Variants in P3H2 observed in about 807,000 individuals in gnomAD.
The protein encoded by P3H2 is prolyl 3-hydroxylase 2.
P3H2 carries 80 observed loss-of-function variants against 87.0 expected under a neutral mutation model. The observed-to-expected ratio is 0.92, with a 90% CI of 0.77 to 1.11. P3H2 has a LOEUF of 1.11. Among genes scored for constraint, P3H2 ranks in the 50% least tolerant of loss-of-function variants. The pLI is 0.00. For missense variants in P3H2, 1,001 were observed against 923.9 expected (o/e 1.08, Z -1.08); for synonymous variants, 367 against 359.3 (o/e 1.02, Z -0.24).
chr3:190,105,620 A>C (rs2108518911), intron 1 of P3H2, among the ~76,000 whole-genome samples: 1 of 152,322 alleles, frequency 6.6e-6, no homozygotes, highest in East Asian at 1.9e-4. Context: ...ATACACTGGA[A>C]GTAATTCCTT....
intron 1 of P3H2, among the ~76,000 whole-genome samples, chr3:190,108,764 TTTTTA>T (rs1711952062): frequency 6.6e-6 from 1 of 152,332 alleles, no homozygotes; most frequent in Non-Finnish European, 1.5e-5. Context: ...CCTCAGTATT[TTTTTA>T]AATTGCTGAT....
At chr3:189,998,595 C>T (rs1724119847) in intron 1 of P3H2, among the ~76,000 whole-genome samples, 1 of 152,132 alleles carries the variant, frequency 6.6e-6, no homozygotes, top group East Asian at 1.9e-4. Flanking sequence ...TTAGAGCTTT[C>T]TGTGGACATG....
At chr3:189,963,585 C>A (rs544661282) in intron 14 of P3H2, 6 of 244,070 alleles carry the variant, frequency 2.5e-5, no homozygotes, top group Non-Finnish European at 4.9e-5. Flanking sequence ...ACTGGAACTA[C>A]AGGCGCATGC....
chr3:190,065,708 C>T (rs1726475307), intron 1 of P3H2, among the ~76,000 whole-genome samples: 1 of 152,084 alleles, frequency 6.6e-6, no homozygotes, highest in African/African-American at 2.4e-5. Context: ...ATCATATCTG[C>T]CTCTGTTACC....
intron 1 of P3H2, among the ~76,000 whole-genome samples, chr3:190,027,426 C>A (rs1725115935): frequency 6.6e-6 from 1 of 152,084 alleles, no homozygotes; most frequent in Non-Finnish European, 1.5e-5. Context: ...ACGTGAGGGA[C>A]AGTGGTTGGG....
intron 1 of P3H2, among the ~76,000 whole-genome samples, chr3:190,114,059 G>A (rs113256867): frequency 0.071 from 7,246 of 102,546 alleles, 523 homozygotes; most frequent in Middle Eastern, 0.11. Context: ...CAGCCTGGGC[G>A]ACAGAGTGAG....
intron 1 of P3H2, among the ~76,000 whole-genome samples, chr3:190,117,794 T>C (rs1577332645): frequency 6.6e-6 from 1 of 152,074 alleles, no homozygotes; most frequent in African/African-American, 2.4e-5. Flanking sequence ...GATGCAGTTT[T>C]AGAGGTTCAC....
At chr3:189,980,397 T>C (rs1368638830) in intron 8 of P3H2, among the ~76,000 whole-genome samples, 1 of 152,064 alleles carries the variant, frequency 6.6e-6, no homozygotes, top group Non-Finnish European at 1.5e-5. Context: ...ATCTCGTCTC[T>C]ACTAAAAATG....
intron 1 of P3H2, among the ~76,000 whole-genome samples, chr3:190,010,002 G>A (rs974382420): frequency 1.3e-5 from 2 of 152,106 alleles, no homozygotes; most frequent in East Asian, 3.9e-4. Flanking sequence ...AGATGACTAG[G>A]AGCCTAAGTC....
intron 1 of P3H2, among the ~76,000 whole-genome samples, chr3:190,119,632 C>T (rs1712453203): frequency 6.6e-6 from 1 of 152,186 alleles, no homozygotes; most frequent in Admixed American, 6.5e-5. Flanking sequence ...AAAGTCAACA[C>T]TTAGGGTGGA....
At chr3:190,119,686 C>G (rs1384921963) in intron 1 of P3H2, among the ~76,000 whole-genome samples, 1 of 152,196 alleles carries the variant, frequency 6.6e-6, no homozygotes, top group South Asian at 2.1e-4. Flanking sequence ...CTCCTCCAAG[C>G]ATACCTTCTC....
At chr3:189,973,048 A>C (rs770100608) in intron 10 of P3H2, 24 bp from the exon 11 acceptor site, 2 of 1,607,560 alleles carry the variant, frequency 1.2e-6, no homozygotes, top group South Asian at 2.2e-5. Flanking sequence ...ACAAAACATG[A>C]GAAACAAATG....
chr3:190,076,864 C>G (rs1560390645), intron 1 of P3H2, among the ~76,000 whole-genome samples: 1 of 152,116 alleles, frequency 6.6e-6, no homozygotes, highest in Non-Finnish European at 1.5e-5. Flanking sequence ...ATTTTGACTA[C>G]CTCAAAGTAA....
Position 190,120,873 on chromosome 3 carries a change from GC to G in P3H2, c.-143del, listed in dbSNP as rs1174900741. The stretch of plus-strand genomic sequence containing the variant: ...GCCGCTCCGCGAGCCCCAGGTGACC[GC>G]CGGCGCTCCGCGTACTGAGAGGCGG... On this transcript the variant is annotated 5_prime_UTR_variant, in exon 1 of 15. Coordinates refer to ENST00000319332, the MANE Select transcript of P3H2 (RefSeq NM_018192.4). 16 of 1,328,620 alleles carry G rather than the reference GC, an allele frequency of 1.2e-5. No homozygotes were observed. Among genetic ancestry groups the G allele is most frequent in the Non-Finnish European group, 1.6e-5 (16 of 1,017,972 alleles). 82.3% of individuals were successfully genotyped at this position (1,328,620 alleles called of 1,614,324 possible).
At chr3:190,113,181 C>G (rs80259125) in intron 1 of P3H2, among the ~76,000 whole-genome samples, 1 of 152,118 alleles carries the variant, frequency 6.6e-6, no homozygotes, top group Non-Finnish European at 1.5e-5. Context: ...TACATAGAGG[C>G]TGGAAAGAGT....
At chr3:190,033,594 T>A (rs1188389394) in intron 1 of P3H2, among the ~76,000 whole-genome samples, 1 of 152,230 alleles carries the variant, frequency 6.6e-6, no homozygotes, top group Non-Finnish European at 1.5e-5. Context: ...CAGGATCCAT[T>A]CTGTATTGTT....
Position 189,986,836 on chromosome 3 carries a change from C to T in P3H2, c.1140G>A (p.Glu380=). The T allele has an allele frequency of 6.2e-7, 1 of 1,613,472 alleles. No homozygotes were observed. The highest frequency in any genetic ancestry group is 8.5e-7 in the Non-Finnish European group (1 of 1,179,444). ...MFVKRHKLES[E]LIKSAAEGLG... is the part of the protein sequence containing the mutation. Reference sequence around the variant, plus strand: ...GACCTTCTGCAGCTGATTTTATCAGCTCAGACTCCAGCTTATGACGTTTCA... The same window carrying T: ...GACCTTCTGCAGCTGATTTTATCAGTTCAGACTCCAGCTTATGACGTTTCA... The change falls in exon 6 of 15, where the codon GAG becomes GAA. Residue 380 remains glutamate, a synonymous_variant. Transcript: ENST00000319332.
intron 1 of P3H2, among the ~76,000 whole-genome samples, chr3:190,011,759 G>A (rs1724597069): frequency 6.6e-6 from 1 of 152,096 alleles, no homozygotes; most frequent in Admixed American, 6.6e-5. Context: ...TCATATGGTA[G>A]AGTATTATAT....
intron 6 of P3H2, among the ~76,000 whole-genome samples, chr3:189,986,514 A>C (rs1364857955): frequency 6.6e-6 from 1 of 152,144 alleles, no homozygotes; most frequent in African/African-American, 2.4e-5. Context: ...GCTTGAATCC[A>C]GGAGGCGGAG....
Sources: allele counts gnomAD v4.1 joint callset (sites outside exome capture counted in the v4.1 genomes callset), GRCh38; gene constraint gnomAD v4.1.1; transcripts MANE v1.5; gene names NCBI Gene and HGNC (gene_info 2026-07-23, HGNC 2026-07-21).